Variants in PBK observed in about 807,000 individuals in gnomAD.
The protein encoded by PBK is lymphokine-activated killer T-cell-originated protein kinase.
A neutral mutation model predicts 33.5 loss-of-function variants in PBK; 22 were observed. That is an observed-to-expected ratio of 0.66 (90% confidence interval 0.47 to 0.94). PBK has a LOEUF of 0.94. PBK is among the 40% of genes least tolerant of loss of function. The pLI is 0.00. For missense variants in PBK, 376 were observed against 383.4 expected (o/e 0.98, Z 0.16); for synonymous variants, 129 against 123.8 (o/e 1.04, Z -0.28).
chr8:27,827,658 C>CT (rs1563494187), intron 3 of PBK, among the ~76,000 whole-genome samples: 1 of 152,174 alleles, frequency 6.6e-6, no homozygotes, highest in Non-Finnish European at 1.5e-5. Flanking sequence ...ATTTACCCTT[C>CT]TTAATAACAA....
chr8:27,831,573 C>T (rs1273613182), intron 2 of PBK, among the ~76,000 whole-genome samples: 1 of 112,012 alleles, frequency 8.9e-6, no homozygotes, highest in East Asian at 4.4e-4. Context: ...GAACACCGTA[C>T]CCAGTAAGAG....
intron 6 of PBK, among the ~76,000 whole-genome samples, chr8:27,815,887 G>A (rs17057911): frequency 0.16 from 23,930 of 152,126 alleles, 2,391 homozygotes; most frequent in East Asian, 0.37. Context: ...AAGATGGATT[G>A]TTCTGACAAC....
chr8:27,816,236 G>C (rs1260609717), intron 6 of PBK, among the ~76,000 whole-genome samples: 1 of 151,634 alleles, frequency 6.6e-6, no homozygotes, highest in Non-Finnish European at 1.5e-5. Context: ...GTAAGACTGT[G>C]TCTGTCTCAT....
intron 5 of PBK, among the ~76,000 whole-genome samples, chr8:27,821,841 G>T (rs141717606): frequency 1.2e-4 from 18 of 152,278 alleles, no homozygotes; most frequent in African/African-American, 3.9e-4. Context: ...GTCAATGATG[G>T]ACAACATATA....
At position 27,836,642 on chromosome 8, in the gene PBK, G is replaced by A. The variant is rs540794991; in HGVS notation, c.-21+1010C>T. On this transcript the variant is annotated intron_variant, in intron 1 of 7. Coordinates refer to ENST00000301905, the MANE Select transcript of PBK (RefSeq NM_018492.4). ...AAAGTAGGATGCAGAAAACCCTGGC[G>A]CGTAGAGTGTCCTGGAAATCTTATG... is the stretch of plus-strand genomic sequence containing the variant. Among the ~76,000 whole-genome samples, 8 of 152,188 alleles carry A rather than the reference G, an allele frequency of 5.3e-5. No individual in the cohort carries two copies. The East Asian group carries it at 1.5e-3, about 29-fold the overall frequency.
At chr8:27,836,221 A>C (rs1806225371) in intron 1 of PBK, among the ~76,000 whole-genome samples, 1 of 152,100 alleles carries the variant, frequency 6.6e-6, no homozygotes, top group East Asian at 1.9e-4. Flanking sequence ...AGAAATACAA[A>C]GACCTGAGGC....
intron 6 of PBK, among the ~76,000 whole-genome samples, chr8:27,819,479 G>T (rs1188117876): frequency 2.6e-5 from 4 of 152,022 alleles, no homozygotes; most frequent in Non-Finnish European, 5.9e-5. Context: ...TTATTCGGAA[G>T]TGTTTTAAAT....
chr8:27,822,474 TA>T lies in PBK; in HGVS notation c.309del (p.Phe103LeufsTer21). Reference sequence around the variant, plus strand: ...CACAGACTGCCATCATTGGCTTCAGTAAAAGCACGATAACCTTAAAGAAAAC... The same window carrying T: ...CACAGACTGCCATCATTGGCTTCAGTAAAGCACGATAACCTTAAAGAAAAC... ...HHPNIVGYRA[F>X]TEANDGSLCL... On this transcript the variant is annotated frameshift_variant, in exon 5 of 8. Coordinates refer to ENST00000301905, the MANE Select transcript of PBK (RefSeq NM_018492.4). LOFTEE classifies it high-confidence loss of function. 1 of 1,603,408 alleles carries T rather than the reference TA, an allele frequency of 6.2e-7. No homozygotes were observed. Among genetic ancestry groups the T allele is most frequent in the African/African-American group, 1.3e-5 (1 of 74,492 alleles).
chr8:27,819,415 TATATTTTCTA>T (rs1210630377), intron 6 of PBK, among the ~76,000 whole-genome samples: 3 of 152,162 alleles, frequency 2.0e-5, no homozygotes, highest in Non-Finnish European at 2.9e-5. Flanking sequence ...GTTATATTCT[TATATTTTCTA>T]AATATTTTAT....
At chr8:27,819,493 TA>T (rs1004006782) in intron 6 of PBK, among the ~76,000 whole-genome samples, 1 of 152,166 alleles carries the variant, frequency 6.6e-6, no homozygotes, top group African/African-American at 2.4e-5. Context: ...TTTAAATTCC[TA>T]AAAAGTTTGG....
At chr8:27,828,283 T>C (rs1205159001) in intron 2 of PBK, 85 bp from the exon 3 acceptor site, 1 of 577,946 alleles carries the variant, frequency 1.7e-6, no homozygotes, top group Non-Finnish European at 3.0e-6. Context: ...CTGCCAAGAG[T>C]ATTAATTGGC....
intron 3 of PBK, among the ~76,000 whole-genome samples, chr8:27,827,737 A>AAGAC (rs1282036297): frequency 6.6e-6 from 1 of 152,238 alleles, no homozygotes; most frequent in African/African-American, 2.4e-5. Flanking sequence ...CGCTGCAGAA[A>AAGAC]AGACAGCAGT....
intron 1 of PBK, among the ~76,000 whole-genome samples, chr8:27,834,028 C>CA (rs1382828286): frequency 2.2e-5 from 3 of 139,062 alleles, no homozygotes; most frequent in Admixed American, 7.3e-5. Flanking sequence ...TATGATGATC[C>CA]TTTTTTTTTT....
At chr8:27,827,575 C>T (rs889513791) in intron 3 of PBK, among the ~76,000 whole-genome samples, 3 of 152,192 alleles carry the variant, frequency 2.0e-5, no homozygotes, top group African/African-American at 4.8e-5. Flanking sequence ...ACTTTGTTGA[C>T]AGCTATATTG....
chr8:27,822,395 C>A lies in PBK; in HGVS notation c.389G>T (p.Arg130Leu). The change falls in exon 5 of 8, where the codon CGA becomes CTA. Residue 130 changes from arginine to leucine, a missense_variant. Coordinates refer to ENST00000301905, the MANE Select transcript of PBK (RefSeq NM_018492.4). ...EKSLNDLIEE[R>L]YKASQDPFPA... ...AAAAGGATCTTGGCTGGCTTTATAT[C>A]GTTCTTCTATTAAGTCATTTAGAGA... 1 of 1,613,198 alleles carries A rather than the reference C, an allele frequency of 6.2e-7. No homozygotes were observed. Among genetic ancestry groups the A allele is most frequent in the Non-Finnish European group, 8.5e-7 (1 of 1,179,428 alleles).
intron 6 of PBK, among the ~76,000 whole-genome samples, chr8:27,819,346 TTAAA>T (rs1304935950): frequency 6.6e-6 from 1 of 152,160 alleles, no homozygotes; most frequent in Non-Finnish European, 1.5e-5. Flanking sequence ...TTCATAAAAG[TTAAA>T]TAATGAAAAT....
chr8:27,812,181 T>G (rs1805700271), intron 6 of PBK: 1 of 152,180 alleles, frequency 6.6e-6, no homozygotes, highest in Admixed American at 6.5e-5. Context: ...AGGTTTTTCT[T>G]GTAGACAGCC....
At chr8:27,832,929 A>C (rs1277941395) in intron 2 of PBK, 127 bp downstream of exon 2, 1 of 602,288 alleles carries the variant, frequency 1.7e-6, no homozygotes, top group Non-Finnish European at 2.9e-6. Flanking sequence ...TAAGATTAAC[A>C]TCATAAAGGG....
intron 6 of PBK, chr8:27,811,434 G>A: frequency 2.0e-6 from 1 of 493,628 alleles, no homozygotes; most frequent in South Asian, 2.2e-5. Context: ...GCCTTGCTTG[G>A]GTTGGTTCAA....
Sources: allele counts gnomAD v4.1 joint callset (sites outside exome capture counted in the v4.1 genomes callset), GRCh38; gene constraint gnomAD v4.1.1; transcripts MANE v1.5; gene names NCBI Gene and HGNC (gene_info 2026-07-23, HGNC 2026-07-21).